The following SART1 variants were observed in gnomAD, a reference collection of about 807,000 sequenced individuals.
SART1 encodes spliceosome associated factor 1, recruiter of U4/U6.U5 tri-snRNP, also known as U4/U6.U5 tri-snRNP-associated protein 1.
Under a neutral mutation model 105.0 loss-of-function variants are expected in SART1, and 28 were observed. The observed-to-expected ratio is 0.27, with a 90% CI of 0.20 to 0.37. The LOEUF (loss-of-function observed/expected upper bound fraction) is 0.37. Ranked by LOEUF, SART1 falls within the 10% of genes least tolerant of loss-of-function variation. The pLI, the probability that SART1 is intolerant of heterozygous loss-of-function variation, is 1.00. For missense variants in SART1, 894 were observed against 1,106.5 expected (o/e 0.81, Z 2.72); for synonymous variants, 472 against 462.9 (o/e 1.02, Z -0.25).
rs967891802 is a variant in SART1, at chr11:65,976,229, G to C, written c.1573-166G>C. On this transcript the variant is annotated intron_variant, in intron 12 of 19. Transcript: ENST00000312397. The surrounding 1 kb of genome is among the most constrained non-coding windows in gnomAD (Gnocchi z 5.1). Reference sequence around the variant, plus strand: ...GGTTTGGAGCAGAAGAGTGACCCCAGTGAAAGAGGTGCAGAGTGGAGTTAG... The same window carrying C: ...GGTTTGGAGCAGAAGAGTGACCCCACTGAAAGAGGTGCAGAGTGGAGTTAG... Among the ~76,000 whole-genome samples, 1 of 152,188 alleles carries C rather than the reference G, an allele frequency of 6.6e-6. No individual in the cohort carries two copies. Among genetic ancestry groups the C allele is most frequent in the African/African-American group, 2.4e-5 (1 of 41,440 alleles).
chr11:65,978,208 C>T lies in SART1; in HGVS notation c.2172+309C>T. The T allele has an allele frequency of 2.0e-6, 1 of 506,360 alleles. No individual in the cohort carries two copies. Among genetic ancestry groups the T allele is most frequent in the Non-Finnish European group, 3.6e-6 (1 of 279,962 alleles). The allele number at this position is 506,360 out of a possible 1,614,324, so 31.4% of individuals were successfully genotyped here. A position where few individuals can be genotyped will look rare whatever the true frequency, so the allele number is the denominator to read the frequency against. The stretch of plus-strand genomic sequence containing the variant: ...CACTGGCTTTCCTGGCCCGCAGGGC[C>T]ATTCCAGCGTCCAGGCCCTTCCAGC... On this transcript the variant is annotated intron_variant, in intron 17 of 19. Coordinates refer to ENST00000312397, the MANE Select transcript of SART1 (RefSeq NM_005146.5). The surrounding 1 kb of genome is among the most constrained non-coding windows in gnomAD (Gnocchi z 6.8).
Position 65,979,336 on chromosome 11 carries a change from C to G in SART1, c.*306C>G, listed in dbSNP as rs553778380. 3.8e-6 allele frequency: 2 copies of G among 521,154 alleles called. No individual in the cohort carries two copies. Among genetic ancestry groups the G allele is most frequent in the East Asian group, 3.4e-5 (1 of 29,216 alleles). The allele number at this position is 521,154 out of a possible 1,614,324, so 32.3% of individuals were successfully genotyped here. On this transcript the variant is annotated 3_prime_UTR_variant, in exon 20 of 20. Transcript: ENST00000312397. Reference sequence around the variant, plus strand: ...TTTTAGAAACTCATCACCCTGCTCTCTCCTGGCCTCGGGGGCTGCACAGGT... The same window carrying G: ...TTTTAGAAACTCATCACCCTGCTCTGTCCTGGCCTCGGGGGCTGCACAGGT...
chr11:65,966,568 C>T lies in SART1; in HGVS notation c.1188+12C>T, dbSNP rs200958331. ...CGCCTGAGGAGATGGTGAGCCCTCC[C>T]GTGCCTTATACTCGGGGTCAAGATT... is the stretch of plus-strand genomic sequence containing the variant. On this transcript the variant is annotated intron_variant, in intron 9 of 19. Coordinates refer to ENST00000312397, the MANE Select transcript of SART1 (RefSeq NM_005146.5). The T allele has an allele frequency of 5.1e-4, 762 of 1,496,064 alleles. 13 individuals are homozygous for T. The South Asian group carries it at 9.8e-3, about 19-fold the overall frequency. The allele number at this position is 1,496,064 out of a possible 1,614,324, so 92.7% of individuals were successfully genotyped here. A position where few individuals can be genotyped will look rare whatever the true frequency, so the allele number is the denominator to read the frequency against.
At chr11:65,975,430 TCGAG>T (rs1855461524) in intron 12 of SART1, among the ~76,000 whole-genome samples, 1 of 148,018 alleles carries the variant, frequency 6.8e-6, no homozygotes, top group African/African-American at 2.5e-5. Flanking sequence ...TTTTTTTTTT[TCGAG>T]ACGGGGTTTC....
chr11:65,970,805 G>T (rs1855361786), intron 12 of SART1, among the ~76,000 whole-genome samples: 3 of 98,764 alleles, frequency 3.0e-5, no homozygotes, highest in African/African-American at 1.2e-4. Flanking sequence ...GGAGGGGGAT[G>T]GTGGGATTCA....
In SART1 at chr11:65,976,813, TGGAGATGAGCACCGGGCTC is replaced by T. The variant is rs781274033; in HGVS notation, c.1857+50_1857+68del. ...GGTGGGCGTTTGGGGGTGCTCAAGC[TGGAGATGAGCACCGGGCTC>T]GGTGTCCAGAGCCTCAGCCTCCTCA... is the stretch of plus-strand genomic sequence containing the variant. On this transcript the variant is annotated intron_variant, in intron 14 of 19. Transcript: ENST00000312397. This position sits in a 1 kb window ranked among gnomAD's most constrained non-coding sequence, Gnocchi z 5.1. 13 of 1,466,352 alleles carry T rather than the reference TGGAGATGAGCACCGGGCTC, an allele frequency of 8.9e-6. No homozygotes were observed. The highest frequency in any genetic ancestry group is 2.8e-6 in the Non-Finnish European group (3 of 1,069,080). The allele number at this position is 1,466,352 out of a possible 1,614,324, so 90.8% of individuals were successfully genotyped here.
At position 65,976,974 on chromosome 11, in the gene SART1, C is replaced by T. The variant is rs377376434; in HGVS notation, c.1858-40C>T. On this transcript the variant is annotated intron_variant, in intron 14 of 19. Transcript: ENST00000312397. The surrounding 1 kb of genome is among the most constrained non-coding windows in gnomAD (Gnocchi z 5.1). Reference sequence around the variant, plus strand: ...ACCAGTGGGTGGGGCTGAGAAGAGCCGGTATGGCCTGCTAACCACCCCCGC... The same window carrying T: ...ACCAGTGGGTGGGGCTGAGAAGAGCTGGTATGGCCTGCTAACCACCCCCGC... 16 of 1,509,698 alleles carry T rather than the reference C, an allele frequency of 1.1e-5. No individual in the cohort carries two copies. The highest frequency in any genetic ancestry group is 3.3e-5 in the Admixed American group (2 of 59,738). The allele number at this position is 1,509,698 out of a possible 1,614,324, so 93.5% of individuals were successfully genotyped here.
rs1005553897 is a variant in SART1 at position 65,978,369 on chromosome 11, C to A, written c.2173-231C>A. ...CTGCGTGGCAGGTCTCCAGGTTCCC[C>A]ATGCTCTGCCCCCATGGCAGCGCAT... On this transcript the variant is annotated intron_variant, in intron 17 of 19. Transcript: ENST00000312397. This position sits in a 1 kb window ranked among gnomAD's most constrained non-coding sequence, Gnocchi z 6.8. 2.2e-4 allele frequency: 128 copies of A among 571,632 alleles called. No homozygotes were observed. Among genetic ancestry groups the A allele is most frequent in the Non-Finnish European group, 3.5e-4 (112 of 319,316 alleles). 35.4% of individuals were successfully genotyped at this position (571,632 alleles called of 1,614,324 possible).
intron 12 of SART1, among the ~76,000 whole-genome samples, chr11:65,968,500 C>T (rs1376222324): frequency 6.6e-6 from 1 of 152,110 alleles, no homozygotes. Flanking sequence ...ACGGTAATTT[C>T]TGATGGTGGT....
chr11:65,966,988 G>A (rs1037207734), intron 9 of SART1, among the ~76,000 whole-genome samples: 1 of 152,120 alleles, frequency 6.6e-6, no homozygotes, highest in Non-Finnish European at 1.5e-5. Flanking sequence ...TCCTCAGTGG[G>A]TAAGAGCAGG....
Position 65,976,260 on chromosome 11 carries a change from A to C in SART1, c.1573-135A>C, listed in dbSNP as rs78744926. ...GAGGTGCAGAGTGGAGTTAGGCGGC[A>C]GATAGCAGCTGGGCCTGCATGGGCT... On this transcript the variant is annotated intron_variant, in intron 12 of 19. Transcript: ENST00000312397. The surrounding 1 kb of genome is among the most constrained non-coding windows in gnomAD (Gnocchi z 5.1). 8.7e-4 allele frequency: 708 copies of C among 814,770 alleles called. 6 individuals are homozygous for C. In the African/African-American group the frequency reaches 0.012, roughly 13 times the overall value. 50.5% of individuals were successfully genotyped at this position (814,770 alleles called of 1,614,324 possible). A position where few individuals can be genotyped will look rare whatever the true frequency, so the allele number is the denominator to read the frequency against.
rs1308343555 is a variant in SART1 at position 65,965,331 on chromosome 11, C to T, written c.555-11C>T. The T allele has an allele frequency of 2.5e-6, 4 of 1,592,402 alleles. No homozygotes were observed. Among genetic ancestry groups the T allele is most frequent in the Non-Finnish European group, 3.4e-6 (4 of 1,169,588 alleles). Reference sequence around the variant, plus strand: ...CTGGGCTCCTTGAGCATCACTTTTTCCCCTCTTCAGGAAGATAAAGACCCT... The same window carrying T: ...CTGGGCTCCTTGAGCATCACTTTTTTCCCTCTTCAGGAAGATAAAGACCCT... On this transcript the variant is annotated splice_polypyrimidine_tract_variant and intron_variant, in intron 4 of 19. Coordinates refer to ENST00000312397, the MANE Select transcript of SART1 (RefSeq NM_005146.5).
chr11:65,972,954 G>A (rs1391116074), intron 12 of SART1, among the ~76,000 whole-genome samples: 6 of 152,124 alleles, frequency 3.9e-5, no homozygotes, highest in Admixed American at 2.0e-4. Flanking sequence ...GGCGGATCAC[G>A]AGGTCAGGAG....
intron 12 of SART1, among the ~76,000 whole-genome samples, chr11:65,968,906 C>T (rs534755214): frequency 1.7e-4 from 26 of 152,330 alleles, no homozygotes; most frequent in African/African-American, 6.3e-4. Flanking sequence ...TCCATCCTCC[C>T]AGCAACACCC....
chr11:65,965,916 C>T lies in SART1; in HGVS notation c.768C>T (p.Gly256=). The change falls in exon 7 of 20, where the codon GGC becomes GGT. Residue 256 remains glycine, a synonymous_variant. Coordinates refer to ENST00000312397, the MANE Select transcript of SART1 (RefSeq NM_005146.5). ...TGTACAGTGCCCGGGACCTGCAGGGCCTCACCGTGGAGCATGCCATTGATT... is the reference window on the plus strand; with the variant it reads ...TGTACAGTGCCCGGGACCTGCAGGGTCTCACCGTGGAGCATGCCATTGATT... The part of the protein sequence containing the change: ...QDLYSARDLQ[G]LTVEHAIDSF... 1 of 1,614,078 alleles carries T rather than the reference C, an allele frequency of 6.2e-7. No individual in the cohort carries two copies. The highest frequency in any genetic ancestry group is 1.3e-5 in the African/African-American group (1 of 75,020).
chr11:65,972,678 G>A (rs897167127), intron 12 of SART1, among the ~76,000 whole-genome samples: 4 of 151,646 alleles, frequency 2.6e-5, no homozygotes, highest in African/African-American at 7.3e-5. Context: ...AAGGCAGGAG[G>A]ATTGCTTGAA....
rs375290813 is a variant in SART1, at chr11:65,967,398, G to A, written c.1313+15G>A. ...TTTGGTTCCAGGTGGGCTTGGACAC[G>A]GTGGTGGGGCGAGATGGCTGGGCTG... On this transcript the variant is annotated intron_variant, in intron 10 of 19. Coordinates refer to ENST00000312397, the MANE Select transcript of SART1 (RefSeq NM_005146.5). 6 of 1,613,906 alleles carry A rather than the reference G, an allele frequency of 3.7e-6. No individual in the cohort carries two copies. In the Admixed American group the frequency reaches 5.0e-5, roughly 13 times the overall value.
intron 12 of SART1, among the ~76,000 whole-genome samples, chr11:65,969,865 G>A (rs1405184238): frequency 6.6e-6 from 1 of 152,186 alleles, no homozygotes; most frequent in Admixed American, 6.5e-5. Flanking sequence ...TGGAACTACA[G>A]GTGCATGCCA....
chr11:65,963,971 G>C (rs1200222171), intron 1 of SART1, 103 bp from the exon 2 acceptor site: 3 of 922,484 alleles, frequency 3.3e-6, no homozygotes, highest in East Asian at 2.6e-5. Flanking sequence ...GCAGGCCCAG[G>C]TGCTGGTGAG....
Sources: gnomAD v4.1 joint callset for allele counts (sites outside exome capture counted in the v4.1 genomes callset) on GRCh38, gnomAD v4.1.1 for gene constraint, Gnocchi (gnomAD v3.1) non-coding constraint, MANE v1.5 for transcripts, NCBI Gene and HGNC (gene_info 2026-07-23, HGNC 2026-07-21) for gene names.